Variants in FAM193A observed in about 807,000 individuals in gnomAD.
The protein encoded by FAM193A is family with sequence similarity 193 member A, also known as protein FAM193A.
In FAM193A, 22 loss-of-function variants were observed where a neutral mutation model predicts 126.5. The ratio of observed to expected loss-of-function variants is 0.17; its 90% confidence interval spans 0.12 to 0.25. The LOEUF (loss-of-function observed/expected upper bound fraction) is 0.25. FAM193A is among the 10% of genes least tolerant of loss of function. The pLI is 1.00. For synonymous variants in FAM193A, 761 were observed against 646.8 expected (o/e 1.18, Z -2.68); for missense variants, 1,675 against 1,672.8 (o/e 1.00, Z -0.02).
intron 2 of FAM193A, among the ~76,000 whole-genome samples, chr4:2,619,486 A>G (rs1454336890): frequency 6.6e-6 from 1 of 151,776 alleles, no homozygotes; most frequent in East Asian, 1.9e-4. Flanking sequence ...TTGTATTTTT[A>G]GTAGAGCTAA....
intron 19 of FAM193A, among the ~76,000 whole-genome samples, chr4:2,703,060 TA>T (rs1372417465): frequency 6.6e-6 from 1 of 152,188 alleles, no homozygotes; most frequent in Non-Finnish European, 1.5e-5. Flanking sequence ...TAGTGTATTA[TA>T]GACATAATAG....
Position 2,559,245 on chromosome 4 carries a change from G to A in FAM193A, c.255+22075G>A, listed in dbSNP as rs148057489. On this transcript the variant is annotated intron_variant, in intron 1 of 20. Transcript: ENST00000637812. ...GAACTTCAGAACTGGAGGGGACAAC[G>A]ACAGAGCCCCTGTTTATTGCCAAGA... Among the ~76,000 whole-genome samples, 6 of 152,228 alleles carry A rather than the reference G, an allele frequency of 3.9e-5. No homozygotes were observed. The East Asian group carries it at 9.6e-4, about 24-fold the overall frequency.
intron 1 of FAM193A, among the ~76,000 whole-genome samples, chr4:2,576,492 G>T (rs1176976180): frequency 1.3e-5 from 2 of 152,174 alleles, no homozygotes; most frequent in South Asian, 4.1e-4. Flanking sequence ...GAGCCCAGGG[G>T]TTTAAGGCTG....
chr4:2,657,186 T>C (rs991097313), intron 7 of FAM193A, among the ~76,000 whole-genome samples: 1 of 151,914 alleles, frequency 6.6e-6, no homozygotes. Flanking sequence ...AACAAAACAA[T>C]CTTCATATGT....
At chr4:2,556,730 A>T (rs1348786566) in intron 1 of FAM193A, among the ~76,000 whole-genome samples, 2 of 152,174 alleles carry the variant, frequency 1.3e-5, no homozygotes, top group Non-Finnish European at 2.9e-5. Context: ...TAATTCCAAT[A>T]ATGTTTGTGG....
At chr4:2,651,272 GT>G (rs1393732061) in intron 7 of FAM193A, among the ~76,000 whole-genome samples, 5 of 152,156 alleles carry the variant, frequency 3.3e-5, no homozygotes, top group African/African-American at 1.2e-4. Flanking sequence ...AGAGGTTGGG[GT>G]GAGCTGAGAT....
intron 1 of FAM193A, among the ~76,000 whole-genome samples, chr4:2,593,880 T>A (rs1007162369): frequency 2.6e-5 from 4 of 151,784 alleles, no homozygotes; most frequent in Non-Finnish European, 4.4e-5. Flanking sequence ...TTTTTTTTTT[T>A]AATTGTCGTC....
chr4:2,593,863 G>C (rs1740702106), intron 1 of FAM193A, among the ~76,000 whole-genome samples: 1 of 151,410 alleles, frequency 6.6e-6, no homozygotes, highest in South Asian at 2.1e-4. Context: ...GTAAATCAGT[G>C]TGCCTTTTTT....
intron 19 of FAM193A, among the ~76,000 whole-genome samples, chr4:2,703,337 C>G (rs774855817): frequency 2.0e-5 from 3 of 152,168 alleles, no homozygotes; most frequent in Admixed American, 6.5e-5. Flanking sequence ...TCCTCCACCC[C>G]CCAGGTTGAA....
At chr4:2,591,331 G>A (rs1740560103) in intron 1 of FAM193A, among the ~76,000 whole-genome samples, 1 of 152,168 alleles carries the variant, frequency 6.6e-6, no homozygotes, top group Non-Finnish European at 1.5e-5. Flanking sequence ...AGGGCCTGGT[G>A]TATCCTGCTT....
intron 1 of FAM193A, among the ~76,000 whole-genome samples, chr4:2,563,297 A>G (rs981904142): frequency 5.9e-5 from 9 of 152,188 alleles, no homozygotes; most frequent in African/African-American, 2.2e-4. Flanking sequence ...GGCAAGAGAG[A>G]CACTTCCAAT....
intron 2 of FAM193A, among the ~76,000 whole-genome samples, chr4:2,622,027 GGCGGATCACTTGA>G (rs1742576594): frequency 6.6e-6 from 1 of 152,074 alleles, no homozygotes; most frequent in African/African-American, 2.4e-5. Flanking sequence ...AATGAAGGTG[GGCGGATCACTTGA>G]GCTCAGGAGT....
At chr4:2,682,784 C>G (rs923094727) in intron 13 of FAM193A, among the ~76,000 whole-genome samples, 1 of 152,150 alleles carries the variant, frequency 6.6e-6, no homozygotes, top group Non-Finnish European at 1.5e-5. Flanking sequence ...TTACTCCCGA[C>G]CCTTCCCTAT....
chr4:2,715,909 A>G, intron 19 of FAM193A, 114 bp from the exon 20 acceptor site: 1 of 742,588 alleles, frequency 1.3e-6, no homozygotes, highest in Non-Finnish European at 2.4e-6. Context: ...TTTTAGAAAA[A>G]ATGTTTACAA....
At chr4:2,540,977 A>G (rs1436237600) in intron 1 of FAM193A, among the ~76,000 whole-genome samples, 1 of 151,482 alleles carries the variant, frequency 6.6e-6, no homozygotes, top group Admixed American at 6.6e-5. Context: ...CGTCTCAAAA[A>G]AAAAAAAAAA....
chr4:2,588,151 T>C (rs947372962), intron 1 of FAM193A, among the ~76,000 whole-genome samples: 1 of 152,130 alleles, frequency 6.6e-6, no homozygotes, highest in Non-Finnish European at 1.5e-5. Flanking sequence ...TCCCTGTTCT[T>C]CCCTCCTGGG....
At chr4:2,554,885 C>A (rs1448184510) in intron 1 of FAM193A, among the ~76,000 whole-genome samples, 1 of 151,950 alleles carries the variant, frequency 6.6e-6, no homozygotes, top group Admixed American at 6.6e-5. Flanking sequence ...ACTAATATAG[C>A]CTCTCCAGCT....
chr4:2,687,483 G>A (rs892680024), intron 13 of FAM193A, among the ~76,000 whole-genome samples: 6 of 152,146 alleles, frequency 3.9e-5, no homozygotes, highest in African/African-American at 1.4e-4. Context: ...ATCCGAGCTC[G>A]CCAGACTCCA....
chr4:2,728,447 T>TAAA (rs1553917913), intron 20 of FAM193A, among the ~76,000 whole-genome samples: 1 of 152,096 alleles, frequency 6.6e-6, no homozygotes, highest in Non-Finnish European at 1.5e-5. Flanking sequence ...CCTGTCTCTT[T>TAAA]AAATCTTCCA....
Sources: allele counts gnomAD v4.1 joint callset (sites outside exome capture counted in the v4.1 genomes callset), GRCh38; gene constraint gnomAD v4.1.1; transcripts MANE v1.5; gene names NCBI Gene and HGNC (gene_info 2026-07-23, HGNC 2026-07-21).